FSTL5: variants seen among roughly 807,000 people sequenced by gnomAD.
FSTL5 encodes the protein follistatin-related protein 5.
FSTL5 carries 62 observed loss-of-function variants against 89.1 expected under a neutral mutation model. The ratio of observed to expected loss-of-function variants is 0.70; its 90% confidence interval spans 0.57 to 0.86. FSTL5 has a LOEUF of 0.86. Ranked by LOEUF, FSTL5 falls within the 40% of genes least tolerant of loss-of-function variation. The probability of loss-of-function intolerance (pLI) is 0.00; values close to 1 mark genes in which losing one functional copy is unlikely to be tolerated. For synonymous variants in FSTL5, 383 were observed against 346.2 expected (o/e 1.11, Z -1.18); for missense variants, 1,057 against 1,001.6 (o/e 1.06, Z -0.75).
chr4:161,799,099 C>G (rs1319769875), intron 4 of FSTL5, among the ~76,000 whole-genome samples: 1 of 151,682 alleles, frequency 6.6e-6, no homozygotes, highest in Non-Finnish European at 1.5e-5. Context: ...GTAATACATA[C>G]TAGTAGTGAA....
intron 12 of FSTL5, among the ~76,000 whole-genome samples, chr4:161,486,600 T>C: frequency 6.6e-6 from 1 of 152,016 alleles, no homozygotes; most frequent in Non-Finnish European, 1.5e-5. Flanking sequence ...AGGCAGAGAG[T>C]CCCTACCCAC....
intron 1 of FSTL5, among the ~76,000 whole-genome samples, chr4:162,155,148 T>C (rs1216399365): frequency 1.3e-5 from 2 of 152,212 alleles, no homozygotes; most frequent in Non-Finnish European, 2.9e-5. Context: ...GCTATTGCTC[T>C]TGTAGTCACA....
intron 6 of FSTL5, among the ~76,000 whole-genome samples, chr4:161,701,312 A>T (rs892781817): frequency 6.6e-6 from 1 of 152,186 alleles, no homozygotes; most frequent in Non-Finnish European, 1.5e-5. Context: ...TTTGTTCTCA[A>T]TGGCTTCACT....
intron 13 of FSTL5, among the ~76,000 whole-genome samples, chr4:161,477,281 A>C (rs1031700294): frequency 7.0e-6 from 1 of 143,304 alleles, no homozygotes; most frequent in Non-Finnish European, 1.5e-5. Context: ...TGACACAACC[A>C]AAAGGCAAAA....
chr4:161,560,221 T>C (rs115253722), intron 8 of FSTL5, among the ~76,000 whole-genome samples: 5,730 of 151,860 alleles, frequency 0.038, 184 homozygotes, highest in East Asian at 0.15. Context: ...AAAGGTGAAG[T>C]AAAAGTAAGA....
intron 2 of FSTL5, among the ~76,000 whole-genome samples, chr4:162,096,341 C>T (rs540198988): frequency 1.5e-4 from 23 of 151,694 alleles, no homozygotes; most frequent in Admixed American, 4.6e-4. Flanking sequence ...AACTTTTCTT[C>T]AGCAATGAAA....
At chr4:162,116,688 C>T (rs1056169014) in intron 1 of FSTL5, among the ~76,000 whole-genome samples, 2 of 152,124 alleles carry the variant, frequency 1.3e-5, no homozygotes, top group South Asian at 4.1e-4. Flanking sequence ...TCCTGTAGGA[C>T]CGCTTACCTT....
chr4:161,905,797 T>G (rs1196828008), intron 4 of FSTL5, among the ~76,000 whole-genome samples: 2 of 152,166 alleles, frequency 1.3e-5, no homozygotes, highest in Non-Finnish European at 2.9e-5. Context: ...TGATTCAGTA[T>G]GTGGCTGAGC....
At chr4:161,576,487 G>A (rs1040701986) in intron 8 of FSTL5, among the ~76,000 whole-genome samples, 10 of 152,014 alleles carry the variant, frequency 6.6e-5, no homozygotes, top group African/African-American at 2.4e-4. Flanking sequence ...AGACCAATGG[G>A]ACAGAACAGA....
intron 4 of FSTL5, among the ~76,000 whole-genome samples, chr4:161,916,077 CTG>C (rs1733830246): frequency 6.6e-6 from 1 of 151,856 alleles, no homozygotes; most frequent in African/African-American, 2.4e-5. Flanking sequence ...ATACAAAAGT[CTG>C]TTCAGATTAT....
intron 3 of FSTL5, among the ~76,000 whole-genome samples, chr4:161,952,306 A>G (rs952070310): frequency 8.6e-5 from 13 of 152,020 alleles, no homozygotes; most frequent in Non-Finnish European, 1.2e-4. Context: ...CCTCAAGGGA[A>G]CTAGGGATGA....
chr4:161,835,249 T>G (rs2126866128), intron 4 of FSTL5, among the ~76,000 whole-genome samples: 1 of 152,152 alleles, frequency 6.6e-6, no homozygotes, highest in South Asian at 2.1e-4. Flanking sequence ...TGGCTAGCCA[T>G]AAGTAGAAAG....
chr4:162,055,133 C>T (rs932241078), intron 2 of FSTL5, among the ~76,000 whole-genome samples: 2 of 151,690 alleles, frequency 1.3e-5, no homozygotes, highest in Non-Finnish European at 2.9e-5. Context: ...AGTGGATTGC[C>T]TATGATGTGC....
intron 7 of FSTL5, among the ~76,000 whole-genome samples, chr4:161,589,210 G>C (rs1399031321): frequency 6.6e-6 from 1 of 151,678 alleles, no homozygotes; most frequent in Non-Finnish European, 1.5e-5. Flanking sequence ...TTTCACTCTT[G>C]TTGTCCAAGC....
intron 1 of FSTL5, among the ~76,000 whole-genome samples, chr4:162,121,434 G>C (rs763455506): frequency 6.6e-6 from 1 of 151,964 alleles, no homozygotes; most frequent in Non-Finnish European, 1.5e-5. Flanking sequence ...GTGAAAAGGT[G>C]CATTACATAT....
chr4:161,441,547 C>T (rs1356319658), intron 15 of FSTL5, among the ~76,000 whole-genome samples: 2 of 152,018 alleles, frequency 1.3e-5, no homozygotes, highest in South Asian at 2.1e-4. Context: ...GAAATATTTC[C>T]TTCAATATAC....
intron 2 of FSTL5, among the ~76,000 whole-genome samples, chr4:162,095,474 AT>A (rs1433890254): frequency 2.0e-5 from 3 of 152,124 alleles, no homozygotes; most frequent in African/African-American, 7.2e-5. Context: ...TTTCACAGAA[AT>A]AATGTTCTCT....
intron 8 of FSTL5, among the ~76,000 whole-genome samples, chr4:161,552,232 A>T (rs1012340485): frequency 2.6e-5 from 4 of 151,904 alleles, no homozygotes; most frequent in Non-Finnish European, 4.4e-5. Flanking sequence ...TTAGGAGATG[A>T]GCTTTTTAAA....
chr4:161,594,195 T>C (rs1473446918), intron 7 of FSTL5, among the ~76,000 whole-genome samples: 2 of 151,766 alleles, frequency 1.3e-5, no homozygotes, highest in Non-Finnish European at 2.9e-5. Context: ...AACCAGAAAA[T>C]ATCATGGAGA....
Sources: gnomAD v4.1 joint callset for allele counts (sites outside exome capture counted in the v4.1 genomes callset) on GRCh38, gnomAD v4.1.1 for gene constraint, MANE v1.5 for transcripts, NCBI Gene and HGNC (gene_info 2026-07-23, HGNC 2026-07-21) for gene names.